The following TXNDC5 variants were observed in gnomAD, a reference collection of about 807,000 sequenced individuals.
The protein encoded by TXNDC5 is thioredoxin domain containing 5.
Under a neutral mutation model 52.6 loss-of-function variants are expected in TXNDC5, and 44 were observed. That is an observed-to-expected ratio of 0.84 (90% CI 0.66 to 1.08). TXNDC5 has a LOEUF of 1.08. TXNDC5 is among the 50% of genes least tolerant of loss of function. The pLI is 0.00. For missense variants in TXNDC5, 600 were observed against 565.5 expected, an observed-to-expected ratio of 1.06 and a Z score of -0.62; for synonymous variants, 241 against 234.4, an observed-to-expected ratio of 1.03 and a Z score of -0.26.
chr6:7,893,795 A>G (rs1288138885), intron 4 of TXNDC5, among the ~76,000 whole-genome samples: 2 of 152,230 alleles, frequency 1.3e-5, no homozygotes, highest in Admixed American at 1.3e-4. Context: ...GGCACAAGTC[A>G]CAAGGCCAGA....
intron 4 of TXNDC5, chr6:7,894,676 T>G: frequency 4.2e-6 from 4 of 948,108 alleles, no homozygotes; most frequent in Non-Finnish European, 5.0e-6. Flanking sequence ...GCTAAAAAGA[T>G]GCTGACAGAG....
chr6:7,904,715 T>C lies in TXNDC5; in HGVS notation c.272A>G (p.His91Arg). The change falls in exon 2 of 10, where the codon CAC becomes CGC. Residue 91 changes from histidine to arginine, a missense_variant. Transcript: ENST00000379757. ...CCAAGTCGGCTGCAGCCGCTGGCAG[T>C]GTCCACACCTGGAACAAGGCAAGAG... is the stretch of plus-strand genomic sequence containing the variant. ...FVMFFAPWCG[H>R]CQRLQPTWND... 6.2e-7 allele frequency: 1 copy of C among 1,614,210 alleles called. No homozygotes were observed. The highest frequency in any genetic ancestry group is 1.3e-5 in the African/African-American group (1 of 75,054).
chr6:7,883,255 G>A lies in TXNDC5; in HGVS notation c.1188C>T (p.Tyr396=). The A allele has an allele frequency of 6.2e-7, 1 of 1,614,162 alleles. No homozygotes were observed. Among genetic ancestry groups the A allele is most frequent in the Non-Finnish European group, 8.5e-7 (1 of 1,180,024 alleles). The change falls in exon 10 of 10, where the codon TAC becomes TAT. Residue 396 remains tyrosine, a synonymous_variant. Coordinates refer to ENST00000379757, the MANE Select transcript of TXNDC5 (RefSeq NM_030810.5). ...NICSKYSVRG[Y]PTLLLFRGGK... ...CTCCTCGGAAAAGCAATAACGTGGG[G>A]TAGCCTCGTACCTTAAAACAAAAAA...
intron 2 of TXNDC5, chr6:7,900,328 T>A (rs142586836): frequency 6.6e-6 from 1 of 152,234 alleles, no homozygotes; most frequent in Admixed American, 6.5e-5. Context: ...CACCAGAGGA[T>A]GAAATTAACA....
intron 9 of TXNDC5, 96 bp downstream of exon 9, chr6:7,884,263 G>A: frequency 6.6e-7 from 1 of 1,513,122 alleles, no homozygotes; most frequent in East Asian, 2.3e-5. Context: ...TTGTTGAGAA[G>A]ATGAGAGCAG....
chr6:7,887,038 T>TA (rs1760006684), intron 7 of TXNDC5, among the ~76,000 whole-genome samples: 1 of 152,202 alleles, frequency 6.6e-6, no homozygotes, highest in African/African-American at 2.4e-5. Flanking sequence ...CCATGACACA[T>TA]ACACTCCTCT....
intron 2 of TXNDC5, among the ~76,000 whole-genome samples, chr6:7,901,063 G>A (rs1468574203): frequency 6.6e-6 from 1 of 152,174 alleles, no homozygotes; most frequent in Admixed American, 6.5e-5. Context: ...GTATGATGGG[G>A]CATAGGTAGG....
At chr6:7,894,734 G>A (rs1023799435) in intron 4 of TXNDC5, 3 of 985,464 alleles carry the variant, frequency 3.0e-6, no homozygotes, top group Non-Finnish European at 3.6e-6. Flanking sequence ...AGACCTGCCA[G>A]ATGCTGGGCT....
intron 7 of TXNDC5, among the ~76,000 whole-genome samples, chr6:7,886,603 C>G (rs1412630293): frequency 6.6e-6 from 1 of 152,210 alleles, no homozygotes; most frequent in Admixed American, 6.5e-5. Context: ...TGGAAAGCAG[C>G]CTGTTCTAAG....
chr6:7,888,331 T>C (rs1760071634), intron 7 of TXNDC5, among the ~76,000 whole-genome samples: 1 of 152,086 alleles, frequency 6.6e-6, no homozygotes, highest in Non-Finnish European at 1.5e-5. Context: ...AGGTCAGGAA[T>C]AGAATCAGGG....
At chr6:7,904,395 G>C (rs1760669644) in intron 2 of TXNDC5, among the ~76,000 whole-genome samples, 179 bp downstream of exon 2, 1 of 152,130 alleles carries the variant, frequency 6.6e-6, no homozygotes. Flanking sequence ...ATGAATTAAA[G>C]GTTATCCAAG....
At position 7,888,718 on chromosome 6, in the gene TXNDC5, G is replaced by C; in HGVS notation, c.950C>G (p.Pro317Arg). The C allele has an allele frequency of 1.2e-6, 2 of 1,612,126 alleles. No homozygotes were observed. The highest frequency in any genetic ancestry group is 3.3e-4 in the Middle Eastern group (2 of 6,052). Residue 317 changes from proline to arginine, a missense_variant, in exon 7 of 10, where the codon CCC becomes CGC. Physicochemically the swap from Pro to Arg is moderately radical, Grantham distance 103. Coordinates refer to ENST00000379757, the MANE Select transcript of TXNDC5 (RefSeq NM_030810.5). ...PSEAPVLAAE[P>R]EADKGTVLAL... The stretch of plus-strand genomic sequence containing the variant: ...GCAGGCACCCACCTTGTCAGCCTCG[G>C]GCTCAGCTGCCAGCACCGGGGCCTC...
At chr6:7,908,738 G>A (rs967965687) in intron 1 of TXNDC5, among the ~76,000 whole-genome samples, 2 of 152,150 alleles carry the variant, frequency 1.3e-5, no homozygotes, top group African/African-American at 4.8e-5. Context: ...TTCAGAGGCT[G>A]AGGCAGGAGA....
At chr6:7,906,550 A>AC (rs1187832243) in intron 1 of TXNDC5, among the ~76,000 whole-genome samples, 4 of 150,082 alleles carry the variant, frequency 2.7e-5, no homozygotes, top group African/African-American at 7.4e-5. Context: ...AAAAAAAAAA[A>AC]AAAAAAAGAA....
At position 7,908,961 on chromosome 6, in the gene TXNDC5, G is replaced by A. The variant is rs79149139; in HGVS notation, c.263+1553C>T. On this transcript the variant is annotated intron_variant, in intron 1 of 9. Coordinates refer to ENST00000379757, the MANE Select transcript of TXNDC5 (RefSeq NM_030810.5). ...GTTGCTGAGAATACTCCCGAACAAA[G>A]AGAAACTGTTAATACTGCCTGATTG... Among the ~76,000 whole-genome samples, 15 of 152,320 alleles carry A rather than the reference G, an allele frequency of 9.8e-5. No individual in the cohort carries two copies. The East Asian group carries it at 2.9e-3, about 29-fold the overall frequency.
intron 1 of TXNDC5, chr6:7,909,861 C>T (rs545100839): frequency 2.0e-6 from 2 of 985,898 alleles, no homozygotes; most frequent in African/African-American, 3.5e-5. Context: ...GGGACGTGCC[C>T]GCAGTCTGTC....
chr6:7,886,995 A>G (rs1027065752), intron 7 of TXNDC5, among the ~76,000 whole-genome samples: 2 of 152,196 alleles, frequency 1.3e-5, no homozygotes, highest in African/African-American at 4.8e-5. Flanking sequence ...GTGGTATATA[A>G]TTATACTCAA....
chr6:7,895,609 G>A (rs1004253066), intron 3 of TXNDC5, among the ~76,000 whole-genome samples: 1 of 152,230 alleles, frequency 6.6e-6, no homozygotes, highest in African/African-American at 2.4e-5. Flanking sequence ...GACGTATTCT[G>A]AAGGGGTCAG....
At chr6:7,885,340 CTG>C (rs1759928502) in intron 8 of TXNDC5, among the ~76,000 whole-genome samples, 1 of 152,142 alleles carries the variant, frequency 6.6e-6, no homozygotes. Flanking sequence ...GCTGAGGGAA[CTG>C]GGGTTCAAAG....
Sources: allele counts gnomAD v4.1 joint callset (sites outside exome capture counted in the v4.1 genomes callset), GRCh38; gene constraint gnomAD v4.1.1; transcripts MANE v1.5; gene names NCBI Gene and HGNC (gene_info 2026-07-23, HGNC 2026-07-21).